CLK3: variants seen among roughly 807,000 people sequenced by gnomAD.
CLK3 encodes the protein CDC like kinase 3.
In CLK3, 24 loss-of-function variants were observed where a neutral mutation model predicts 65.2. The observed-to-expected ratio is 0.37, with a 90% CI of 0.27 to 0.52. CLK3 has a LOEUF of 0.52. Ranked by LOEUF, CLK3 falls within the 20% of genes least tolerant of loss-of-function variation. The pLI is 0.92. For missense variants in CLK3, 506 were observed against 660.0 expected (o/e 0.77, Z 2.56); for synonymous variants, 252 against 240.8 (o/e 1.05, Z -0.43).
chr15:74,611,499 C>T (rs2061989848), upstream of CLK3, among the ~76,000 whole-genome samples: 1 of 152,254 alleles, frequency 6.6e-6, no homozygotes, highest in South Asian at 2.1e-4. Context: ...CGGCACTGCC[C>T]GAAGACGGCT....
At chr15:74,618,594 G>T (rs968579306) in intron 1 of CLK3, among the ~76,000 whole-genome samples, 1 of 152,154 alleles carries the variant, frequency 6.6e-6, no homozygotes, top group Non-Finnish European at 1.5e-5. Flanking sequence ...TGTTTGTGAG[G>T]CCTGTGTGCC....
At chr15:74,619,488 T>C (rs2141540230) in intron 2 of CLK3, 140 bp downstream of exon 2, 1 of 851,562 alleles carries the variant, frequency 1.2e-6, no homozygotes, top group Non-Finnish European at 1.8e-6. Flanking sequence ...GCTCCTCCAC[T>C]AACCTCACCT....
At chr15:74,609,393 TG>T (rs922694334) in intron 1 of CLK3, among the ~76,000 whole-genome samples, 15 of 152,202 alleles carry the variant, frequency 9.9e-5, no homozygotes, top group African/African-American at 3.6e-4. Flanking sequence ...GGAGTGTCAC[TG>T]TGTGGACGCC....
upstream of CLK3, among the ~76,000 whole-genome samples, chr15:74,614,434 C>T (rs2062028954): frequency 6.6e-6 from 1 of 152,216 alleles, no homozygotes; most frequent in Admixed American, 6.5e-5. Flanking sequence ...CTGCCTCAGT[C>T]CCCTGCAAGG....
In CLK3 at chr15:74,627,007, G is replaced by C. The variant is rs1197591985; in HGVS notation, c.818-345G>C. On this transcript the variant is annotated intron_variant, in intron 7 of 12. Coordinates refer to ENST00000395066, the MANE Select transcript of CLK3 (RefSeq NM_001130028.2). This position sits in a 1 kb window ranked among gnomAD's most constrained non-coding sequence, Gnocchi z 4.3. ...TGCAAAGGGCCCTGCAAATTATGTA[G>C]CTGGTGCAGGGAAGAGGGAACCACC... 2 of 481,572 alleles carry C rather than the reference G, an allele frequency of 4.2e-6. No individual in the cohort carries two copies. 29.8% of individuals were successfully genotyped at this position (481,572 alleles called of 1,614,324 possible). A position where few individuals can be genotyped will look rare whatever the true frequency, so the allele number is the denominator to read the frequency against.
At chr15:74,623,244 C>T (rs2062117684) in intron 5 of CLK3, among the ~76,000 whole-genome samples, 1 of 152,234 alleles carries the variant, frequency 6.6e-6, no homozygotes, top group East Asian at 1.9e-4. Context: ...GGGAGGCCAC[C>T]TCCAGGGAGC....
At position 74,620,157 on chromosome 15, in the gene CLK3, T is replaced by C; in HGVS notation, c.301T>C (p.Tyr101His). 6.2e-7 allele frequency: 1 copy of C among 1,614,062 alleles called. No homozygotes were observed. The highest frequency in any genetic ancestry group is 1.3e-5 in the African/African-American group (1 of 75,042). The change falls in exon 3 of 13, where the codon TAC becomes CAC. Residue 101 changes from tyrosine (Y) to histidine (H), a missense_variant. By Grantham distance (83) the Tyr-to-His change is moderately conservative (BLOSUM62 2). Coordinates refer to ENST00000395066, the MANE Select transcript of CLK3 (RefSeq NM_001130028.2). ...TCGGCGATCGCGGGAGAGGGGGCCA[T>C]ACCGGACCCGCAAGCATGCCCACCA... Reference protein sequence around the residue: ...HRRRSRERGPYRTRKHAHHCH... With the variant: ...HRRRSRERGPHRTRKHAHHCH...
Position 74,622,120 on chromosome 15 carries a change from A to C in CLK3, c.370A>C (p.Arg124=). The C allele has an allele frequency of 6.2e-7, 1 of 1,614,130 alleles. No individual in the cohort carries two copies. The highest frequency in any genetic ancestry group is 8.5e-7 in the Non-Finnish European group (1 of 1,179,972). Residue 124 remains arginine (R), a splice_region_variant and synonymous_variant, in exon 4 of 13, where the codon AGA becomes CGA. Transcript: ENST00000395066. This position sits in a 1 kb window ranked among gnomAD's most constrained non-coding sequence, Gnocchi z 4.6. ...GCGTTTCGGGGGGCGGTGCATGCAG[A>C]GAAGCCAACAGAGCAGTAAGCGCAG... The part of the protein sequence containing the change: ...RTRSCSSASS[R]SQQSSKRSSR...
At chr15:74,615,513 G>C (rs770626076), upstream of CLK3, 58 of 1,305,446 alleles carry the variant, frequency 4.4e-5, no homozygotes, top group Non-Finnish European at 5.0e-5. Context: ...TCGGGGCGAC[G>C]GAGCGGGCCC....
chr15:74,628,732 T>C, intron 11 of CLK3, 49 bp downstream of exon 11: 1 of 1,483,702 alleles, frequency 6.7e-7, no homozygotes. Context: ...GCCTTTCTCT[T>C]CTTGGCTGTG....
intron 1 of CLK3, among the ~76,000 whole-genome samples, chr15:74,618,538 G>A (rs554492162): frequency 6.6e-6 from 1 of 152,312 alleles, no homozygotes; most frequent in South Asian, 2.1e-4. Context: ...AGTTAGATGC[G>A]CTGGGTCCAC....
chr15:74,615,985 G>A, intron 1 of CLK3, 87 bp downstream of exon 1: 1 of 1,006,486 alleles, frequency 9.9e-7, no homozygotes, highest in Non-Finnish European at 1.3e-6. Flanking sequence ...GTGCCATTCG[G>A]TCTCGGCCTA....
intron 1 of CLK3, among the ~76,000 whole-genome samples, chr15:74,616,370 C>CT: frequency 6.6e-6 from 1 of 152,370 alleles, no homozygotes; most frequent in Middle Eastern, 3.4e-3. Context: ...GGATGGGACT[C>CT]TGAGACCCCC....
At chr15:74,615,508 G>A, upstream of CLK3, 1 of 1,308,496 alleles carries the variant, frequency 7.6e-7, no homozygotes, top group Non-Finnish European at 9.7e-7. Context: ...CGGGGTCGGG[G>A]CGACGGAGCG....
In CLK3 at chr15:74,619,329, C is replaced by A; in HGVS notation, c.133C>A (p.Arg45=). The A allele has an allele frequency of 6.2e-7, 1 of 1,614,134 alleles. No homozygotes were observed. Among genetic ancestry groups the A allele is most frequent in the South Asian group, 1.1e-5 (1 of 91,086 alleles). ...RYPSRREPPP[R]RSRSRSHDRL... ...CCCGTCCCGAAGGGAGCCTCCCCCA[C>A]GAAGATCTCGGTCCAGAAGGTGAGA... Residue 45 remains arginine, a synonymous_variant, in exon 2 of 13, where the codon CGA becomes AGA. Transcript: ENST00000395066.
chr15:74,627,934 C>A lies in CLK3; in HGVS notation c.1043-36C>A. 6.6e-7 allele frequency: 1 copy of A among 1,526,298 alleles called. No homozygotes were observed. Among genetic ancestry groups the A allele is most frequent in the Non-Finnish European group, 9.1e-7 (1 of 1,100,058 alleles). The allele number at this position is 1,526,298 out of a possible 1,614,324, so 94.5% of individuals were successfully genotyped here. ...TGACTTCCAGGCTGGAAGCATAAGG[C>A]CGGATCTCACAGCCTCTCCCCATCT... On this transcript the variant is annotated intron_variant, in intron 9 of 12. Transcript: ENST00000395066. This position sits in a 1 kb window ranked among gnomAD's most constrained non-coding sequence, Gnocchi z 4.3.
chr15:74,614,824 G>C (rs1225801309), upstream of CLK3: 1 of 152,244 alleles, frequency 6.6e-6, no homozygotes, highest in East Asian at 1.9e-4. Context: ...GGCGGTGCCT[G>C]GAGGGATGGT....
intron 11 of CLK3, 47 bp downstream of exon 11, chr15:74,628,730 C>T (rs776201147): frequency 6.0e-6 from 9 of 1,493,426 alleles, no homozygotes; most frequent in African/African-American, 4.2e-5. Flanking sequence ...AGGCCTTTCT[C>T]TTCTTGGCTG....
Position 74,627,167 on chromosome 15 carries a change from C to T in CLK3, c.818-185C>T, listed in dbSNP as rs2062150192. 1 of 716,880 alleles carries T rather than the reference C, an allele frequency of 1.4e-6. No homozygotes were observed. Among genetic ancestry groups the T allele is most frequent in the Admixed American group, 1.9e-5 (1 of 52,626 alleles). 44.4% of individuals were successfully genotyped at this position (716,880 alleles called of 1,614,324 possible). On this transcript the variant is annotated intron_variant, in intron 7 of 12. Transcript: ENST00000395066. This position sits in a 1 kb window ranked among gnomAD's most constrained non-coding sequence, Gnocchi z 4.3. ...GCTAAAGTATCAGAACCCTCCAAGGCCTCAAGTACAGAGAACCCTTGAGAG... is the reference window on the plus strand; with the variant it reads ...GCTAAAGTATCAGAACCCTCCAAGGTCTCAAGTACAGAGAACCCTTGAGAG...
Sources: gnomAD v4.1 joint callset for allele counts (sites outside exome capture counted in the v4.1 genomes callset) on GRCh38, gnomAD v4.1.1 for gene constraint, Gnocchi (gnomAD v3.1) non-coding constraint, MANE v1.5 for transcripts, NCBI Gene and HGNC (gene_info 2026-07-23, HGNC 2026-07-21) for gene names.